Variants in KCNK9 observed in about 807,000 individuals in gnomAD.
The protein encoded by KCNK9 is potassium channel subfamily K member 9.
Under a neutral mutation model 10.8 loss-of-function variants are expected in KCNK9, and 1 was observed. The ratio of observed to expected loss-of-function variants is 0.09; its 90% CI spans 0.03 to 0.44. KCNK9 has a LOEUF of 0.44. Ranked by LOEUF, KCNK9 falls within the 20% of genes least tolerant of loss-of-function variation. KCNK9 has a pLI of 0.97. For missense variants in KCNK9, 303 were observed against 515.0 expected (o/e 0.59, Z 3.98); for synonymous variants, 231 against 222.7 (o/e 1.04, Z -0.33).
At chr8:139,622,184 G>GAGAGT (rs1814806480) in intron 1 of KCNK9, among the ~76,000 whole-genome samples, 3 of 152,214 alleles carry the variant, frequency 2.0e-5, no homozygotes, top group Non-Finnish European at 4.4e-5. Flanking sequence ...ACGTGCATGA[G>GAGAGT]AGAGTATGGG....
intron 2 of KCNK9, among the ~76,000 whole-genome samples, chr8:139,606,778 C>A (rs372083717): frequency 1.3e-5 from 2 of 152,096 alleles, no homozygotes; most frequent in East Asian, 3.9e-4. Context: ...AACTGTAAGC[C>A]GCCTCATCAA....
chr8:139,637,610 G>A (rs1289730933), intron 1 of KCNK9, among the ~76,000 whole-genome samples: 1 of 152,134 alleles, frequency 6.6e-6, no homozygotes, highest in Non-Finnish European at 1.5e-5. Context: ...TAAAGGGCAG[G>A]GAAACAGGGA....
intron 1 of KCNK9, among the ~76,000 whole-genome samples, chr8:139,639,967 G>A (rs1197973322): frequency 6.6e-6 from 1 of 152,120 alleles, no homozygotes; most frequent in East Asian, 1.9e-4. Context: ...GTGAAGGCCA[G>A]GGCCCAGTGA....
At chr8:139,697,924 G>A (rs1048709384) in intron 1 of KCNK9, among the ~76,000 whole-genome samples, 2 of 152,122 alleles carry the variant, frequency 1.3e-5, no homozygotes, top group Non-Finnish European at 2.9e-5. Context: ...GGCATCTCCT[G>A]GCTCCCCAGC....
At chr8:139,660,583 T>C (rs1484187288) in intron 1 of KCNK9, among the ~76,000 whole-genome samples, 2 of 151,742 alleles carry the variant, frequency 1.3e-5, no homozygotes, top group Non-Finnish European at 2.9e-5. Context: ...ATTGCACCAC[T>C]GCAATCCAGC....
intron 1 of KCNK9, among the ~76,000 whole-genome samples, chr8:139,630,820 C>G (rs1815144966): frequency 6.6e-6 from 1 of 152,202 alleles, no homozygotes; most frequent in Non-Finnish European, 1.5e-5. Flanking sequence ...CTTCTCAGTC[C>G]CCCAGAATAT....
At chr8:139,674,526 C>T (rs1816505956) in intron 1 of KCNK9, among the ~76,000 whole-genome samples, 1 of 152,160 alleles carries the variant, frequency 6.6e-6, no homozygotes, top group African/African-American at 2.4e-5. Context: ...CCCGGTTCTC[C>T]AATTTCACAG....
chr8:139,635,857 GTAA>G (rs1181649101), intron 1 of KCNK9, among the ~76,000 whole-genome samples: 1 of 152,140 alleles, frequency 6.6e-6, no homozygotes, highest in Non-Finnish European at 1.5e-5. Flanking sequence ...TGGTATAGAA[GTAA>G]TAACAGAGCC....
rs963795415 is a variant in KCNK9 at position 139,693,631 on chromosome 8, C to T, written c.283+9079G>A. Among the ~76,000 whole-genome samples, 2 of 152,046 alleles carry T rather than the reference C, an allele frequency of 1.3e-5. No individual in the cohort carries two copies. Among genetic ancestry groups the T allele is most frequent in the African/African-American group, 4.8e-5 (2 of 41,386 alleles). ...TCAGAAAACTGAGTAGCACAGTGGG[C>T]TGGGGAGCAAAGAAACAAGTCCTTT... On this transcript the variant is annotated intron_variant, in intron 1 of 1. Coordinates refer to ENST00000520439, the MANE Select transcript of KCNK9 (RefSeq NM_001282534.2). This position sits in a 1 kb window ranked among gnomAD's most constrained non-coding sequence, Gnocchi z 4.1.
intron 1 of KCNK9, among the ~76,000 whole-genome samples, chr8:139,646,654 G>A (rs1263119475): frequency 1.3e-5 from 2 of 152,218 alleles, no homozygotes; most frequent in East Asian, 3.9e-4. Context: ...GGATGCCAGG[G>A]ACTATTTGCT....
chr8:139,674,483 T>TGTGTCTC (rs1231615766), intron 1 of KCNK9, among the ~76,000 whole-genome samples: 1 of 152,180 alleles, frequency 6.6e-6, no homozygotes, highest in Non-Finnish European at 1.5e-5. Flanking sequence ...TCCTACAGCC[T>TGTGTCTC]GTGTCTCCTG....
At chr8:139,614,400 C>T (rs960648140), downstream of KCNK9, among the ~76,000 whole-genome samples, 2 of 152,184 alleles carry the variant, frequency 1.3e-5, no homozygotes, top group Non-Finnish European at 2.9e-5. Context: ...GGATGATGGA[C>T]CCCAGTGGGA....
chr8:139,644,056 ACT>A (rs1015587194), intron 1 of KCNK9, among the ~76,000 whole-genome samples: 61 of 152,112 alleles, frequency 4.0e-4, no homozygotes, highest in African/African-American at 1.3e-3. Context: ...AATAACTATA[ACT>A]CTGGTTTGAT....
Position 139,636,209 on chromosome 8 carries a change from G to C in KCNK9, c.284-17110C>G, listed in dbSNP as rs566706517. The stretch of plus-strand genomic sequence containing the variant: ...TCTCATGTCATGCCCAACTGCTAGA[G>C]ATGATGGCTGTCATTCTCCTGGATG... On this transcript the variant is annotated intron_variant, in intron 1 of 1. Coordinates refer to ENST00000520439, the MANE Select transcript of KCNK9 (RefSeq NM_001282534.2). Among the ~76,000 whole-genome samples, 5 of 152,354 alleles carry C rather than the reference G, an allele frequency of 3.3e-5. No individual in the cohort carries two copies. In the East Asian group the frequency reaches 9.6e-4, roughly 29 times the overall value.
At position 139,618,397 on chromosome 8, in the gene KCNK9, G is replaced by T; in HGVS notation, c.986C>A (p.Ser329Tyr). ...SAKLAPHYFH[S>Y]ISYKIEEISP... is the part of the protein sequence containing the mutation. The stretch of plus-strand genomic sequence containing the variant: ...GATCTCCTCGATCTTGTAAGAGATG[G>T]AGTGGAAGTAGTGGGGGGCAAGCTT... Residue 329 changes from serine (S) to tyrosine (Y), a missense_variant, in exon 2 of 2, where the codon TCC becomes TAC. Physicochemically the swap from Ser to Tyr is moderately radical, Grantham distance 144. Around this residue, in one of 5 missense-constraint regions of KCNK9, gnomAD observed 138 missense variants for 161.1 expected, o/e 0.86. Transcript: ENST00000520439. The surrounding 1 kb of genome is among the most constrained non-coding windows in gnomAD (Gnocchi z 7.9). 6.2e-7 allele frequency: 1 copy of T among 1,614,154 alleles called. No homozygotes were observed. The highest frequency in any genetic ancestry group is 8.5e-7 in the Non-Finnish European group (1 of 1,180,030).
intron 1 of KCNK9, among the ~76,000 whole-genome samples, chr8:139,628,115 G>C (rs1815034960): frequency 6.6e-6 from 1 of 152,262 alleles, no homozygotes; most frequent in Admixed American, 6.5e-5. Flanking sequence ...TGGTGAAGAA[G>C]GAAGAGCGAG....
intron 1 of KCNK9, among the ~76,000 whole-genome samples, chr8:139,689,687 A>G (rs1485388683): frequency 6.7e-6 from 1 of 148,954 alleles, no homozygotes; most frequent in Non-Finnish European, 1.5e-5. Flanking sequence ...CTGCTGCCCA[A>G]GCTGGAGCGC....
chr8:139,677,819 G>A (rs1280567343), intron 1 of KCNK9, among the ~76,000 whole-genome samples: 1 of 112,250 alleles, frequency 8.9e-6, no homozygotes, highest in Non-Finnish European at 1.9e-5. Flanking sequence ...CAGCCCAACA[G>A]GTCCCCACAG....
chr8:139,640,754 C>A (rs1815481523), intron 1 of KCNK9, among the ~76,000 whole-genome samples: 1 of 152,232 alleles, frequency 6.6e-6, no homozygotes, highest in Non-Finnish European at 1.5e-5. Flanking sequence ...CCACCATCTT[C>A]ATTTCTACCG....
Sources: gnomAD v4.1 joint callset for allele counts (sites outside exome capture counted in the v4.1 genomes callset) on GRCh38, gnomAD v4.1.1 for gene constraint, gnomAD v4.1.1 regional missense constraint, Gnocchi (gnomAD v3.1) non-coding constraint, MANE v1.5 for transcripts, NCBI Gene and HGNC (gene_info 2026-07-23, HGNC 2026-07-21) for gene names.